The following GRIK2 variants were observed in gnomAD, a reference collection of about 807,000 sequenced individuals.
The protein encoded by GRIK2 is glutamate ionotropic receptor kainate type subunit 2.
A neutral mutation model predicts 100.3 loss-of-function variants in GRIK2; 32 were observed. That is an observed-to-expected ratio of 0.32 (90% CI 0.24 to 0.43). The LOEUF (loss-of-function observed/expected upper bound fraction) is 0.43, where lower values mean the gene tolerates loss of function less well. GRIK2 is among the 20% of genes least tolerant of loss of function. The pLI is 1.00. For missense variants in GRIK2, 843 were observed against 1,114.9 expected (o/e 0.76, Z 3.47); for synonymous variants, 417 against 389.4 (o/e 1.07, Z -0.83).
intron 4 of GRIK2, among the ~76,000 whole-genome samples, chr6:101,650,518 G>T (rs1364459593): frequency 2.0e-5 from 3 of 152,118 alleles, no homozygotes; most frequent in Non-Finnish European, 4.4e-5. Flanking sequence ...AACAGCTGAT[G>T]CAGGGAGTGA....
At chr6:101,621,282 G>T (rs1400116478) in intron 2 of GRIK2, among the ~76,000 whole-genome samples, 1 of 151,856 alleles carries the variant, frequency 6.6e-6, no homozygotes, top group Non-Finnish European at 1.5e-5. Context: ...GTGAAACCCC[G>T]ACTATACAAA....
chr6:101,876,484 A>AACACACAC (rs34929195), intron 11 of GRIK2, among the ~76,000 whole-genome samples: 13 of 148,802 alleles, frequency 8.7e-5, no homozygotes, highest in Non-Finnish European at 1.3e-4. Flanking sequence ...AACAAAAACA[A>AACACACAC]ACACACACAC....
intron 14 of GRIK2, among the ~76,000 whole-genome samples, chr6:101,943,114 G>A (rs971752918): frequency 6.6e-6 from 1 of 152,196 alleles, no homozygotes; most frequent in Non-Finnish European, 1.5e-5. Context: ...TCCAGCTCCA[G>A]CCATGGCTCT....
At chr6:101,665,362 G>T (rs1280661168) in intron 4 of GRIK2, among the ~76,000 whole-genome samples, 1 of 152,154 alleles carries the variant, frequency 6.6e-6, no homozygotes, top group Non-Finnish European at 1.5e-5. Context: ...GAAAAGACTG[G>T]TTGTTTGGAA....
At chr6:101,605,867 C>T (rs1224476906) in intron 2 of GRIK2, among the ~76,000 whole-genome samples, 2 of 151,938 alleles carry the variant, frequency 1.3e-5, no homozygotes, top group Admixed American at 6.6e-5. Flanking sequence ...AACTGATTAA[C>T]ATAATAATAT....
At chr6:101,498,661 G>A (rs977981952) in intron 2 of GRIK2, among the ~76,000 whole-genome samples, 2 of 151,486 alleles carry the variant, frequency 1.3e-5, no homozygotes, top group African/African-American at 2.4e-5. Context: ...CTGCATAAAT[G>A]TCTTCTTTTG....
At chr6:101,889,126 CA>C (rs1381775095) in intron 11 of GRIK2, among the ~76,000 whole-genome samples, 1 of 151,936 alleles carries the variant, frequency 6.6e-6, no homozygotes, top group Non-Finnish European at 1.5e-5. Context: ...ATGTTTCAAA[CA>C]ATATTTTAAC....
chr6:101,673,586 A>G (rs929957198), intron 4 of GRIK2, among the ~76,000 whole-genome samples: 1 of 152,168 alleles, frequency 6.6e-6, no homozygotes, highest in Non-Finnish European at 1.5e-5. Flanking sequence ...ATGACAGTAT[A>G]TAAAAACTGT....
chr6:101,613,532 T>C (rs2128313951), intron 2 of GRIK2, among the ~76,000 whole-genome samples: 1 of 151,902 alleles, frequency 6.6e-6, no homozygotes, highest in East Asian at 1.9e-4. Flanking sequence ...AAGTAAAAGA[T>C]ATTAATCAGG....
intron 2 of GRIK2, among the ~76,000 whole-genome samples, chr6:101,417,972 T>G (rs1776229980): frequency 1.3e-5 from 2 of 152,214 alleles, no homozygotes; most frequent in Admixed American, 1.3e-4. Flanking sequence ...AACAATAGGT[T>G]AGCTCTATGT....
chr6:101,514,164 G>A (rs1462779786), intron 2 of GRIK2, among the ~76,000 whole-genome samples: 2 of 152,078 alleles, frequency 1.3e-5, no homozygotes, highest in Non-Finnish European at 2.9e-5. Context: ...TCAACAAATA[G>A]TGCTGAAACA....
chr6:101,631,306 C>T (rs1438279171), intron 4 of GRIK2, among the ~76,000 whole-genome samples: 1 of 152,060 alleles, frequency 6.6e-6, no homozygotes, highest in African/African-American at 2.4e-5. Context: ...TTCATATTTG[C>T]TTTAAAATCC....
chr6:101,507,143 AC>A (rs1774065194), intron 2 of GRIK2, among the ~76,000 whole-genome samples: 2 of 151,860 alleles, frequency 1.3e-5, no homozygotes, highest in South Asian at 4.2e-4. Flanking sequence ...GAAATCATAC[AC>A]TCCTCATAGA....
chr6:101,793,283 T>C (rs1325815804), intron 7 of GRIK2, among the ~76,000 whole-genome samples: 3 of 152,176 alleles, frequency 2.0e-5, no homozygotes, highest in Non-Finnish European at 2.9e-5. Flanking sequence ...GGAGAGGTGC[T>C]CTGCTTTTTA....
intron 2 of GRIK2, among the ~76,000 whole-genome samples, chr6:101,478,766 C>T (rs191403058): frequency 7.2e-5 from 11 of 151,912 alleles, no homozygotes; most frequent in Admixed American, 4.6e-4. Flanking sequence ...CCTCGTGATC[C>T]GCTCACCTTG....
chr6:101,835,757 G>T (rs1027054297), intron 10 of GRIK2, among the ~76,000 whole-genome samples: 1 of 147,302 alleles, frequency 6.8e-6, no homozygotes, highest in Non-Finnish European at 1.5e-5. Flanking sequence ...GAACCATGGC[G>T]CCCAGCCTAT....
intron 7 of GRIK2, among the ~76,000 whole-genome samples, chr6:101,787,471 G>A (rs111968094): frequency 0.026 from 3,905 of 151,908 alleles, 173 homozygotes; most frequent in African/African-American, 0.089. Context: ...TGCTTTTCCT[G>A]TATCCGGTGT....
intron 7 of GRIK2, among the ~76,000 whole-genome samples, chr6:101,773,064 A>T (rs544103425): frequency 6.6e-6 from 1 of 152,218 alleles, no homozygotes; most frequent in African/African-American, 2.4e-5. Context: ...GTGTATGTTC[A>T]TATGGGGCAG....
At chr6:101,866,339 C>T (rs1785051498) in intron 11 of GRIK2, among the ~76,000 whole-genome samples, 1 of 152,136 alleles carries the variant, frequency 6.6e-6, no homozygotes, top group African/African-American at 2.4e-5. Context: ...AGATGCACAT[C>T]TTATCTTCCA....
Sources: gnomAD v4.1 joint callset for allele counts (sites outside exome capture counted in the v4.1 genomes callset) on GRCh38, gnomAD v4.1.1 for gene constraint, MANE v1.5 for transcripts, NCBI Gene and HGNC (gene_info 2026-07-23, HGNC 2026-07-21) for gene names.